Variants in STAMBPL1 observed in about 807,000 individuals in gnomAD.
STAMBPL1 encodes AMSH-like protease.
In STAMBPL1, 44 loss-of-function variants were observed where a neutral mutation model predicts 52.9. The observed-to-expected ratio is 0.83, with a 90% CI of 0.65 to 1.07. The LOEUF (loss-of-function observed/expected upper bound fraction) is 1.07. STAMBPL1 is among the 50% of genes least tolerant of loss of function. STAMBPL1 has a pLI of 0.00. For synonymous variants in STAMBPL1, 164 were observed against 177.3 expected (o/e 0.92, Z 0.60); for missense variants, 511 against 520.8 (o/e 0.98, Z 0.18).
intron 2 of STAMBPL1, among the ~76,000 whole-genome samples, chr10:88,903,085 A>G (rs1252467440): frequency 6.6e-6 from 1 of 152,226 alleles, no homozygotes; most frequent in Non-Finnish European, 1.5e-5. Context: ...TTATATAACA[A>G]TAATTAAAAT....
intron 1 of STAMBPL1, among the ~76,000 whole-genome samples, chr10:88,899,752 C>T (rs1350560797): frequency 5.9e-5 from 9 of 152,238 alleles, no homozygotes; most frequent in African/African-American, 1.7e-4. Flanking sequence ...TCAGGTGATC[C>T]GCCTGCCTCG....
intron 1 of STAMBPL1, among the ~76,000 whole-genome samples, chr10:88,900,445 A>T (rs1844917021): frequency 6.6e-6 from 1 of 152,208 alleles, no homozygotes; most frequent in Non-Finnish European, 1.5e-5. Context: ...TTGAATTAAT[A>T]TTTAAACTTG....
chr10:88,895,823 A>T (rs1346194349), intron 1 of STAMBPL1, among the ~76,000 whole-genome samples: 1 of 152,218 alleles, frequency 6.6e-6, no homozygotes, highest in Non-Finnish European at 1.5e-5. Context: ...GGCTGGATAA[A>T]AAGTTTGTAT....
intron 1 of STAMBPL1, among the ~76,000 whole-genome samples, chr10:88,881,214 A>T (rs11202878): frequency 0.061 from 9,251 of 152,220 alleles, 688 homozygotes; most frequent in African/African-American, 0.18. Context: ...CCCCAGTGAG[A>T]TGCACAAAGA....
chr10:88,911,012 G>A lies in STAMBPL1; in HGVS notation c.420+1G>A, dbSNP rs1845209948. On this transcript the variant is annotated splice_donor_variant, in intron 5 of 10. Coordinates refer to ENST00000371926, the MANE Select transcript of STAMBPL1 (RefSeq NM_020799.4). LOFTEE classifies it high-confidence loss of function. ...ATACCAAGAATATTTGCAAAGCAAA[G>A]TAAGTTCAGTTGGTACATTTATTTC... 6.4e-7 allele frequency: 1 copy of A among 1,552,112 alleles called. No individual in the cohort carries two copies. Among genetic ancestry groups the A allele is most frequent in the Non-Finnish European group, 8.7e-7 (1 of 1,146,498 alleles).
chr10:88,889,002 T>A (rs1320503998), intron 1 of STAMBPL1, among the ~76,000 whole-genome samples: 2 of 152,242 alleles, frequency 1.3e-5, no homozygotes, highest in Non-Finnish European at 2.9e-5. Context: ...ACTTAATGAA[T>A]ACATTTGTAT....
At chr10:88,920,173 C>G (rs1845474135) in intron 8 of STAMBPL1, among the ~76,000 whole-genome samples, 1 of 152,152 alleles carries the variant, frequency 6.6e-6, no homozygotes. Flanking sequence ...TAAAATCTTA[C>G]ATTTCTTTAA....
rs935014671 is a variant in STAMBPL1 at position 88,905,433 on chromosome 10, T to C, written c.31-10T>C. On this transcript the variant is annotated splice_polypyrimidine_tract_variant and intron_variant, in intron 2 of 10. Coordinates refer to ENST00000371926, the MANE Select transcript of STAMBPL1 (RefSeq NM_020799.4). ...AACAGTTAATCAGAGATTTAAATTTTGCTTTGCAGAAAAAGTTAGCTGCTA... is the reference window on the plus strand; with the variant it reads ...AACAGTTAATCAGAGATTTAAATTTCGCTTTGCAGAAAAAGTTAGCTGCTA... 1.9e-6 allele frequency: 3 copies of C among 1,610,164 alleles called. No individual in the cohort carries two copies. Among genetic ancestry groups the C allele is most frequent in the Non-Finnish European group, 2.5e-6 (3 of 1,176,576 alleles).
At chr10:88,892,913 A>G (rs752099818) in intron 1 of STAMBPL1, among the ~76,000 whole-genome samples, 2 of 152,260 alleles carry the variant, frequency 1.3e-5, no homozygotes, top group African/African-American at 2.4e-5. Context: ...GGCAACTGGC[A>G]GGCAGGAAAA....
At chr10:88,923,482 AAAC>A in exon 11 of STAMBPL1, 1 of 1,192,030 alleles carries the variant, frequency 8.4e-7, no homozygotes, top group Non-Finnish European at 1.0e-6. Flanking sequence ...ATTGTGCTGC[AAAC>A]AACATGTCTT....
chr10:88,889,196 A>G (rs1844616755), intron 1 of STAMBPL1, among the ~76,000 whole-genome samples: 1 of 152,304 alleles, frequency 6.6e-6, no homozygotes, highest in East Asian at 1.9e-4. Context: ...TTTATTTTAA[A>G]ACCATGCTGC....
intron 1 of STAMBPL1, among the ~76,000 whole-genome samples, chr10:88,898,037 A>G (rs140919550): frequency 1.3e-5 from 2 of 152,192 alleles, no homozygotes; most frequent in Non-Finnish European, 2.9e-5. Context: ...TTTATTTCTG[A>G]TTAGATTGAG....
In STAMBPL1 at chr10:88,915,437, C is replaced by T. The variant is rs1450384179; in HGVS notation, c.903+779C>T. Among the ~76,000 whole-genome samples the T allele has an allele frequency of 4.6e-5, 7 of 152,148 alleles. No individual in the cohort carries two copies. The East Asian group carries it at 1.2e-3, about 25-fold the overall frequency. ...CAGTGTTTTGTCATCACTTTCCCTCCAAGAGATAGGAAGCCATTGGTGGCA... is the reference window on the plus strand; with the variant it reads ...CAGTGTTTTGTCATCACTTTCCCTCTAAGAGATAGGAAGCCATTGGTGGCA... On this transcript the variant is annotated intron_variant, in intron 7 of 10. Transcript: ENST00000371926.
chr10:88,911,615 G>A (rs894886567), intron 5 of STAMBPL1, among the ~76,000 whole-genome samples: 29 of 152,184 alleles, frequency 1.9e-4, no homozygotes, highest in African/African-American at 7.0e-4. Context: ...GTTCAACATA[G>A]CATCATTATA....
intron 1 of STAMBPL1, among the ~76,000 whole-genome samples, chr10:88,891,204 A>T (rs1844673393): frequency 1.3e-5 from 2 of 152,374 alleles, no homozygotes; most frequent in South Asian, 4.1e-4. Context: ...GTACCAGAAG[A>T]AAAGATCAGT....
At chr10:88,892,353 CGTGTGTGTGTGTGT>C (rs5786841) in intron 1 of STAMBPL1, among the ~76,000 whole-genome samples, 3 of 148,908 alleles carry the variant, frequency 2.0e-5, no homozygotes, top group East Asian at 2.0e-4. Flanking sequence ...TGTGCGTGTG[CGTGTGTGTGTGTGT>C]GTGTGTGTGT....
At chr10:88,886,874 C>G (rs1033832323) in intron 1 of STAMBPL1, among the ~76,000 whole-genome samples, 3 of 151,684 alleles carry the variant, frequency 2.0e-5, no homozygotes, top group African/African-American at 4.9e-5. Flanking sequence ...AAAACTATAG[C>G]CAGGAATGAT....
At position 88,905,507 on chromosome 10, in the gene STAMBPL1, C is replaced by A; in HGVS notation, c.95C>A (p.Ala32Asp). 1 of 1,614,094 alleles carries A rather than the reference C, an allele frequency of 6.2e-7. No homozygotes were observed. The highest frequency in any genetic ancestry group is 8.5e-7 in the Non-Finnish European group (1 of 1,179,986). Residue 32 changes from alanine to aspartate, a missense_variant, in exon 3 of 11, where the codon GCC becomes GAC. By Grantham distance (126) the Ala-to-Asp change is moderately radical. Around this residue, in one of 3 missense-constraint regions of STAMBPL1, gnomAD observed 358 missense variants for 343.5 expected, o/e 1.04. Transcript: ENST00000371926. ...VSLSPEERVR[A>D]LSKLGCNITI... ...CTAAGCCCAGAAGAGCGAGTCCGTG[C>A]CCTAAGCAAGCTTGGTTGTAATATC...
intron 1 of STAMBPL1, among the ~76,000 whole-genome samples, chr10:88,892,225 T>C (rs887717441): frequency 6.6e-6 from 1 of 152,026 alleles, no homozygotes; most frequent in African/African-American, 2.4e-5. Flanking sequence ...ATGCAGTGAG[T>C]CTCAAGTTTT....
Sources: allele counts gnomAD v4.1 joint callset (sites outside exome capture counted in the v4.1 genomes callset), GRCh38; gene constraint gnomAD v4.1.1; regional missense constraint gnomAD v4.1.1; transcripts MANE v1.5; gene names NCBI Gene and HGNC (gene_info 2026-07-23, HGNC 2026-07-21).